The following SMYD1 variants were observed in gnomAD, a reference collection of about 807,000 sequenced individuals.
The protein encoded by SMYD1 is SET and MYND domain containing 1, also known as histone-lysine N-methyltransferase SMYD1.
SMYD1 carries 49 observed loss-of-function variants against 54.0 expected under a neutral mutation model. That is an observed-to-expected ratio of 0.91 (90% CI 0.72 to 1.15). The LOEUF (loss-of-function observed/expected upper bound fraction) is 1.15. Ranked by LOEUF, SMYD1 falls within the 50% of genes most tolerant of loss-of-function variation. The probability of loss-of-function intolerance (pLI) is 0.00; values close to 1 mark genes in which losing one functional copy is unlikely to be tolerated. For missense variants in SMYD1, 653 were observed against 639.6 expected, an observed-to-expected ratio of 1.02 and a Z score of -0.23; for synonymous variants, 269 against 234.2, an observed-to-expected ratio of 1.15 and a Z score of -1.36.
chr2:88,086,758 T>G (rs1297582312), intron 2 of SMYD1, among the ~76,000 whole-genome samples: 1 of 152,094 alleles, frequency 6.6e-6, no homozygotes, highest in African/African-American at 2.4e-5. Context: ...TCAATCAACT[T>G]TCTATTAGTA....
rs536791139 is a variant in SMYD1, at chr2:88,108,455, G to A, written c.1230G>A (p.Glu410=). The A allele has an allele frequency of 6.6e-5, 107 of 1,612,916 alleles. No individual in the cohort carries two copies. Among genetic ancestry groups the A allele is most frequent in the Non-Finnish European group, 8.2e-5 (97 of 1,179,584 alleles). ...GLTNWHAGNI[E]VGHGMICKAY... Reference sequence around the variant, plus strand: ...CCAACTGGCATGCTGGTAACATTGAGGTGGGGCACGGGATGATCTGCAAAG... The same window carrying A: ...CCAACTGGCATGCTGGTAACATTGAAGTGGGGCACGGGATGATCTGCAAAG... Residue 410 remains glutamate (E), a synonymous_variant, in exon 9 of 10, where the codon GAG becomes GAA. Coordinates refer to ENST00000419482, the MANE Select transcript of SMYD1 (RefSeq NM_198274.4).
At chr2:88,085,577 C>T (rs1475008517) in intron 2 of SMYD1, among the ~76,000 whole-genome samples, 2 of 152,174 alleles carry the variant, frequency 1.3e-5, no homozygotes, top group Non-Finnish European at 1.5e-5. Flanking sequence ...CTCTCCATGC[C>T]CCTTAGCTCC....
intron 9 of SMYD1, 131 bp downstream of exon 9, chr2:88,108,670 G>A (rs552010311): frequency 2.1e-5 from 18 of 858,138 alleles, no homozygotes; most frequent in African/African-American, 1.7e-4. Context: ...ACTCAGAAAC[G>A]CTTTAGCCCA....
intron 1 of SMYD1, among the ~76,000 whole-genome samples, chr2:88,069,014 T>C (rs890839786): frequency 2.0e-5 from 3 of 152,226 alleles, no homozygotes; most frequent in South Asian, 2.1e-4. Flanking sequence ...TTCAGTTTTA[T>C]AGGCTCTCCA....
intron 7 of SMYD1, 137 bp from the exon 8 acceptor site, chr2:88,106,187 TG>T: frequency 8.6e-7 from 1 of 1,164,862 alleles, no homozygotes; most frequent in South Asian, 1.5e-5. Context: ...ACCCCAAACC[TG>T]TGCTTTCCCA....
chr2:88,108,687 T>C, intron 9 of SMYD1, 148 bp downstream of exon 9: 1 of 709,208 alleles, frequency 1.4e-6, no homozygotes, highest in African/African-American at 1.8e-5. Context: ...CCCACTACCC[T>C]TGTGTGTTAG....
chr2:88,101,987 A>G (rs1674731720), intron 6 of SMYD1, among the ~76,000 whole-genome samples: 1 of 151,956 alleles, frequency 6.6e-6, no homozygotes, highest in Non-Finnish European at 1.5e-5. Context: ...TATTTTAAAT[A>G]TTATTTCTGT....
intron 1 of SMYD1, among the ~76,000 whole-genome samples, chr2:88,079,655 A>AC (rs1319044863): frequency 6.6e-6 from 1 of 152,174 alleles, no homozygotes; most frequent in Non-Finnish European, 1.5e-5. Context: ...ACCCGTCTGT[A>AC]CTAAAAAATA....
intron 6 of SMYD1, among the ~76,000 whole-genome samples, chr2:88,100,542 G>A (rs1399515255): frequency 1.3e-5 from 2 of 152,142 alleles, no homozygotes; most frequent in African/African-American, 4.8e-5. Flanking sequence ...AATAAGCTAC[G>A]GCTATAACTA....
At chr2:88,074,154 C>T (rs778962879) in intron 1 of SMYD1, among the ~76,000 whole-genome samples, 1 of 152,240 alleles carries the variant, frequency 6.6e-6, no homozygotes, top group Non-Finnish European at 1.5e-5. Context: ...GCGTGAGCCC[C>T]TAGGCACCTG....
Position 88,108,357 on chromosome 2 carries a change from C to A in SMYD1, c.1146-14C>A. ...GATTGGTATGATGTATAATTATCTG[C>A]TATGCTCCCACAGGAAGCTCTACCA... On this transcript the variant is annotated splice_polypyrimidine_tract_variant and intron_variant, in intron 8 of 9. Transcript: ENST00000419482. 1 of 1,563,752 alleles carries A rather than the reference C, an allele frequency of 6.4e-7. No homozygotes were observed.
intron 2 of SMYD1, among the ~76,000 whole-genome samples, chr2:88,086,924 G>A (rs1165618054): frequency 3.4e-5 from 5 of 148,104 alleles, no homozygotes; most frequent in South Asian, 2.1e-4. Flanking sequence ...ATGCTGGTGC[G>A]CTGCACCCAC....
rs113526261 is a variant in SMYD1 at position 88,081,052 on chromosome 2, G to A, written c.138-3264G>A. On this transcript the variant is annotated intron_variant, in intron 1 of 9. Transcript: ENST00000419482. ...GGAGTAGCTGGGACTACAGGTGCCCGTCACCACGCCCAACTAATTTTTGTA... is the reference window on the plus strand; with the variant it reads ...GGAGTAGCTGGGACTACAGGTGCCCATCACCACGCCCAACTAATTTTTGTA... Among the ~76,000 whole-genome samples the A allele has an allele frequency of 8.0e-4, 122 of 152,040 alleles. 1 individual carries two copies. The highest frequency in any genetic ancestry group is 2.5e-3 in the African/African-American group (102 of 41,470).
At chr2:88,104,665 A>C (rs1407218275) in intron 7 of SMYD1, among the ~76,000 whole-genome samples, 1 of 152,180 alleles carries the variant, frequency 6.6e-6, no homozygotes, top group African/African-American at 2.4e-5. Context: ...GGCCCCCACC[A>C]CCTCGGGTTG....
At chr2:88,108,021 T>C (rs1338813089) in intron 8 of SMYD1, among the ~76,000 whole-genome samples, 2 of 152,234 alleles carry the variant, frequency 1.3e-5, no homozygotes, top group Non-Finnish European at 2.9e-5. Flanking sequence ...AAATCATTCG[T>C]CTTCTGCGTC....
In SMYD1 at chr2:88,087,808, T is replaced by C. The variant is rs535834453; in HGVS notation, c.315-54T>C. ...ATGCATGAGACACCCAGTAAATGTG[T>C]GTTGAAGGAATGAATGCAGCTGTAG... On this transcript the variant is annotated intron_variant, in intron 2 of 9. Coordinates refer to ENST00000419482, the MANE Select transcript of SMYD1 (RefSeq NM_198274.4). 4 of 1,437,938 alleles carry C rather than the reference T, an allele frequency of 2.8e-6. No homozygotes were observed. In the Admixed American group the frequency reaches 1.0e-4, roughly 37 times the overall value. 89.1% of individuals were successfully genotyped at this position (1,437,938 alleles called of 1,614,324 possible).
At position 88,108,558 on chromosome 2, in the gene SMYD1, C is replaced by G; in HGVS notation, c.1314+19C>G. 3 of 1,555,944 alleles carry G rather than the reference C, an allele frequency of 1.9e-6. No homozygotes were observed. The highest frequency in any genetic ancestry group is 2.6e-6 in the Non-Finnish European group (3 of 1,149,714). Reference sequence around the variant, plus strand: ...CTTAGAGGCAAGTAGCGTCTTGAGGCTGGTGTTCCCTTCCTGGCCTGAGCT... The same window carrying G: ...CTTAGAGGCAAGTAGCGTCTTGAGGGTGGTGTTCCCTTCCTGGCCTGAGCT... On this transcript the variant is annotated intron_variant, in intron 9 of 9. Coordinates refer to ENST00000419482, the MANE Select transcript of SMYD1 (RefSeq NM_198274.4).
chr2:88,075,338 C>T (rs941441293), intron 1 of SMYD1, among the ~76,000 whole-genome samples: 29 of 152,212 alleles, frequency 1.9e-4, no homozygotes, highest in Admixed American at 1.6e-3. Context: ...TTTACCCACT[C>T]GCATCCCAGG....
intron 1 of SMYD1, among the ~76,000 whole-genome samples, chr2:88,069,161 G>A (rs1241183893): frequency 6.6e-6 from 1 of 152,150 alleles, no homozygotes; most frequent in Non-Finnish European, 1.5e-5. Context: ...AATATTTTCT[G>A]AGATCAAGGT....
Sources: allele counts gnomAD v4.1 joint callset (sites outside exome capture counted in the v4.1 genomes callset), GRCh38; gene constraint gnomAD v4.1.1; transcripts MANE v1.5; gene names NCBI Gene and HGNC (gene_info 2026-07-23, HGNC 2026-07-21).